TMEM130: variants seen among roughly 807,000 people sequenced by gnomAD.
The protein encoded by TMEM130 is transmembrane protein 130.
In TMEM130, 37 loss-of-function variants were observed where a neutral mutation model predicts 42.9. The ratio of observed to expected loss-of-function variants is 0.86; its 90% CI spans 0.66 to 1.13. The LOEUF is 1.13. TMEM130 is among the 50% of genes most tolerant of loss of function. The pLI, the probability that TMEM130 is intolerant of heterozygous loss-of-function variation, is 0.00. For missense variants in TMEM130, 545 were observed against 562.6 expected (o/e 0.97, Z 0.32); for synonymous variants, 259 against 237.7 (o/e 1.09, Z -0.82).
chr7:98,850,267 A>ATTTT (rs1161479294), intron 6 of TMEM130, among the ~76,000 whole-genome samples: 5 of 28,828 alleles, frequency 1.7e-4, no homozygotes, highest in African/African-American at 2.3e-4. Flanking sequence ...ATATATATAT[A>ATTTT]TATATATTTT....
rs148954448 is a variant in TMEM130, at chr7:98,861,622, C to T, written c.392-1284G>A. Among the ~76,000 whole-genome samples, 1,262 of 151,904 alleles carry T rather than the reference C, an allele frequency of 8.3e-3. 11 individuals carry two copies. Among genetic ancestry groups the T allele is most frequent in the African/African-American group, 0.026 (1,093 of 41,394 alleles). ...CCCAGCTACTTGGGAGGCGAAGGCA[C>T]GAGAATCGCTTGAACTGGGAGGTGG... On this transcript the variant is annotated intron_variant, in intron 2 of 7. Coordinates refer to ENST00000339375, the MANE Select transcript of TMEM130 (RefSeq NM_152913.3).
At position 98,869,507 on chromosome 7, in the gene TMEM130, G is replaced by T. The variant is rs1794981997; in HGVS notation, c.85+270C>A. ...ACGGATGCGCCGGCCACCCCCGCGC[G>T]GTTTCCAGGGCAGGGCCAGCCTGGG... On this transcript the variant is annotated intron_variant, in intron 1 of 7. Transcript: ENST00000339375. The surrounding 1 kb of genome is among the most constrained non-coding windows in gnomAD (Gnocchi z 4.7). Among the ~76,000 whole-genome samples the T allele has an allele frequency of 6.6e-6, 1 of 152,222 alleles. No homozygotes were observed. Among genetic ancestry groups the T allele is most frequent in the Admixed American group, 6.5e-5 (1 of 15,282 alleles).
chr7:98,853,519 T>C (rs572722758), intron 5 of TMEM130, among the ~76,000 whole-genome samples: 1 of 152,262 alleles, frequency 6.6e-6, no homozygotes, highest in East Asian at 1.9e-4. Flanking sequence ...TCCCAGCTAC[T>C]CGGGAGGCTG....
At chr7:98,860,963 A>AAAG (rs1243145470) in intron 2 of TMEM130, among the ~76,000 whole-genome samples, 2 of 123,018 alleles carry the variant, frequency 1.6e-5, no homozygotes, top group African/African-American at 5.3e-5. Context: ...AAAAAAAAAA[A>AAAG]AAGAAGAAGG....
chr7:98,851,452 A>G lies in TMEM130; in HGVS notation c.975T>C (p.His325=), dbSNP rs1554398204. 5 of 1,613,836 alleles carry G rather than the reference A, an allele frequency of 3.1e-6. No homozygotes were observed. Among genetic ancestry groups the G allele is most frequent in the Non-Finnish European group, 4.2e-6 (5 of 1,180,002 alleles). The change falls in exon 6 of 8, where the codon CAT becomes CAC. Residue 325 remains histidine, a synonymous_variant. Transcript: ENST00000339375. ...IRAENIISKT[H]QYHKIQVWPS... ...GCCACACCTGGATCTTGTGGTACTG[A>G]TGTGTCTTGCTGATGATATTCTCGG...
chr7:98,862,657 C>T (rs1361995985), intron 2 of TMEM130, among the ~76,000 whole-genome samples: 1 of 151,968 alleles, frequency 6.6e-6, no homozygotes, highest in Admixed American at 6.6e-5. Context: ...CACCACCATG[C>T]CCCCACTAAT....
Position 98,848,652 on chromosome 7 carries a change from G to A in TMEM130, c.1050C>T (p.Ile350=). 1 of 1,614,116 alleles carries A rather than the reference G, an allele frequency of 6.2e-7. No homozygotes were observed. The change falls in exon 7 of 8, where the codon ATC becomes ATT. Residue 350 remains isoleucine (I), a synonymous_variant. Coordinates refer to ENST00000339375, the MANE Select transcript of TMEM130 (RefSeq NM_152913.3). ...AVFAFPCATL[I]TVMLAFIMYM... The stretch of plus-strand genomic sequence containing the variant: ...ACATGATGAAGGCCAACATCACAGT[G>A]ATAAGTGTAGCACATGGGAAAGCAA...
intron 1 of TMEM130, among the ~76,000 whole-genome samples, chr7:98,863,877 C>CCTCT (rs370506746): frequency 1.4e-5 from 2 of 143,156 alleles, no homozygotes; most frequent in Non-Finnish European, 3.1e-5. Context: ...TTCCTTTCTT[C>CCTCT]CTCTCTCTCT....
Position 98,847,806 on chromosome 7 carries a change from G to C in TMEM130, c.*250C>G. ...GCACGAAGCCTCTTCAAAGGTAGGG[G>C]GTCAAGGGGGTGGTAACCGAGTGGG... On this transcript the variant is annotated 3_prime_UTR_variant, in exon 8 of 8. Transcript: ENST00000339375. 2.7e-6 allele frequency: 1 copy of C among 373,294 alleles called. No individual in the cohort carries two copies. The highest frequency in any genetic ancestry group is 4.8e-6 in the Non-Finnish European group (1 of 208,936). 23.1% of individuals were successfully genotyped at this position (373,294 alleles called of 1,614,324 possible).
intron 2 of TMEM130, among the ~76,000 whole-genome samples, chr7:98,862,728 G>A (rs1258945523): frequency 6.6e-6 from 1 of 152,074 alleles, no homozygotes; most frequent in Non-Finnish European, 1.5e-5. Flanking sequence ...TCAAACTCCT[G>A]ATCTCAGGCG....
chr7:98,848,086 G>C lies in TMEM130; in HGVS notation c.1242C>G (p.Leu414=), dbSNP rs1554397616. 1.2e-6 allele frequency: 2 copies of C among 1,614,026 alleles called. No homozygotes were observed. The highest frequency in any genetic ancestry group is 1.7e-6 in the Non-Finnish European group (2 of 1,179,950). The change falls in exon 8 of 8, where the codon CTC becomes CTG. Residue 414 remains leucine (L), a synonymous_variant. Coordinates refer to ENST00000339375, the MANE Select transcript of TMEM130 (RefSeq NM_152913.3). ...CGGTGTAAGTTTTGACAGACTTATA[G>C]AGGGGCGGGAGCAGCCCGTGGTTCT... ...VRENHGLLPP[L]YKSVKTYTV
intron 3 of TMEM130, among the ~76,000 whole-genome samples, chr7:98,857,373 G>A (rs1227325963): frequency 6.6e-6 from 1 of 152,128 alleles, no homozygotes; most frequent in Non-Finnish European, 1.5e-5. Context: ...TTTGACCACA[G>A]GTCACTTTTG....
intron 1 of TMEM130, among the ~76,000 whole-genome samples, chr7:98,867,720 C>T (rs1297010597): frequency 6.6e-6 from 1 of 152,122 alleles, no homozygotes; most frequent in Admixed American, 6.6e-5. Flanking sequence ...CATGGGAGCC[C>T]GCCGACTCCC....
rs1794371790 is a variant in TMEM130, at chr7:98,847,088, A to G, written c.*968T>C. 6.6e-6 allele frequency: 1 copy of G among 151,558 alleles called. No individual in the cohort carries two copies. Among genetic ancestry groups the G allele is most frequent in the Non-Finnish European group, 1.5e-5 (1 of 67,978 alleles). 9.4% of individuals were successfully genotyped at this position (151,558 alleles called of 1,614,324 possible). ...TAGCCAGGGTGGTCTCGATCTCCTG[A>G]TCTCGTGATCCACCCGCCTCGGCCT... On this transcript the variant is annotated 3_prime_UTR_variant, in exon 8 of 8. Coordinates refer to ENST00000339375, the MANE Select transcript of TMEM130 (RefSeq NM_152913.3).
In TMEM130 at chr7:98,863,210, G is replaced by A; in HGVS notation, c.276C>T (p.Thr92=). The A allele has an allele frequency of 6.2e-7, 1 of 1,614,134 alleles. No homozygotes were observed. The highest frequency in any genetic ancestry group is 2.2e-5 in the East Asian group (1 of 44,884). Reference sequence around the variant, plus strand: ...CGGGCACGTGGCCGACCACACGGATGGTGGAGCTGAGACCCTTCTCCATCT... The same window carrying A: ...CGGGCACGTGGCCGACCACACGGATAGTGGAGCTGAGACCCTTCTCCATCT... ...TGKMEKGLSS[T]IRVVGHVPGE... Residue 92 remains threonine, a synonymous_variant, in exon 2 of 8, where the codon ACC becomes ACT. Transcript: ENST00000339375.
chr7:98,853,583 G>T (rs1238038619), intron 5 of TMEM130, among the ~76,000 whole-genome samples: 1 of 152,184 alleles, frequency 6.6e-6, no homozygotes, highest in Admixed American at 6.5e-5. Flanking sequence ...AGCTGAGATT[G>T]CACCACTGCA....
At chr7:98,852,939 A>G (rs566904216) in intron 5 of TMEM130, among the ~76,000 whole-genome samples, 1 of 152,270 alleles carries the variant, frequency 6.6e-6, no homozygotes, top group East Asian at 1.9e-4. Context: ...GGCTTCCTGG[A>G]GGAGGTGGCA....
chr7:98,856,823 GC>G (rs1554399081), intron 3 of TMEM130, among the ~76,000 whole-genome samples: 1 of 152,102 alleles, frequency 6.6e-6, no homozygotes, highest in Non-Finnish European at 1.5e-5. Flanking sequence ...GGACAAAGCT[GC>G]CATCCAGATT....
chr7:98,851,716 C>T (rs1794511438), intron 5 of TMEM130, 93 bp from the exon 6 acceptor site: 1 of 1,190,018 alleles, frequency 8.4e-7, no homozygotes, highest in African/African-American at 1.5e-5. Flanking sequence ...GCAGGAACTT[C>T]AGTGTCCTTT....
Sources: allele counts gnomAD v4.1 joint callset (sites outside exome capture counted in the v4.1 genomes callset), GRCh38; gene constraint gnomAD v4.1.1; non-coding constraint Gnocchi (gnomAD v3.1); transcripts MANE v1.5; gene names NCBI Gene and HGNC (gene_info 2026-07-23, HGNC 2026-07-21).